The following UPF3A variants were observed in gnomAD, a reference collection of about 807,000 sequenced individuals.
The protein encoded by UPF3A is UPF3A regulator of nonsense mediated mRNA decay, also known as regulator of nonsense transcripts 3A.
In UPF3A, 42 loss-of-function variants were observed where a neutral mutation model predicts 53.5. The observed-to-expected ratio is 0.78, with a 90% confidence interval of 0.61 to 1.01. The LOEUF (loss-of-function observed/expected upper bound fraction) is 1.01. Ranked by LOEUF, UPF3A falls within the 50% of genes least tolerant of loss-of-function variation. The pLI is 0.00. For missense variants in UPF3A, 575 were observed against 598.0 expected (o/e 0.96, Z 0.40); for synonymous variants, 237 against 225.3 (o/e 1.05, Z -0.47).
At chr13:114,294,273 T>TTG (rs1555372456) in intron 7 of UPF3A, among the ~76,000 whole-genome samples, 1 of 143,074 alleles carries the variant, frequency 7.0e-6, no homozygotes, top group East Asian at 2.2e-4. Context: ...TTGGTTTTGG[T>TTG]GGGGGGGGGG....
At chr13:114,295,438 G>GCTCCCCAGCTCGTCTCCAGCAGCTCTGGC (rs1566757543) in intron 7 of UPF3A, among the ~76,000 whole-genome samples, 1 of 152,112 alleles carries the variant, frequency 6.6e-6, no homozygotes. Context: ...GCTCTGGCCT[G>GCTCCCCAGCTCGTCTCCAGCAGCTCTGGC]CTGGTTTCTC....
intron 3 of UPF3A, chr13:114,285,825 T>C (rs2084629808): frequency 6.5e-6 from 1 of 154,472 alleles, no homozygotes; most frequent in African/African-American, 2.4e-5. Context: ...AATTGATAGT[T>C]GAATTAACCT....
chr13:114,289,075 G>A (rs531652906), intron 5 of UPF3A, among the ~76,000 whole-genome samples: 33 of 152,156 alleles, frequency 2.2e-4, no homozygotes, highest in African/African-American at 7.0e-4. Flanking sequence ...GCACCTCCCC[G>A]AGAGTCTGCT....
At position 114,282,130 on chromosome 13, in the gene UPF3A, G is replaced by A; in HGVS notation, c.314+3G>A. 6.4e-7 allele frequency: 1 copy of A among 1,551,374 alleles called. No homozygotes were observed. Among genetic ancestry groups the A allele is most frequent in the Non-Finnish European group, 8.7e-7 (1 of 1,148,414 alleles). On this transcript the variant is annotated splice_donor_region_variant and intron_variant, in intron 2 of 9. Coordinates refer to ENST00000375299, the MANE Select transcript of UPF3A (RefSeq NM_023011.4). Reference sequence around the variant, plus strand: ...GAGTTCTTCGCCGCCGACCTGAGGTGAGGCCCGCCCCGAGGGGAGGAAGAG... The same window carrying A: ...GAGTTCTTCGCCGCCGACCTGAGGTAAGGCCCGCCCCGAGGGGAGGAAGAG...
intron 8 of UPF3A, among the ~76,000 whole-genome samples, chr13:114,300,565 G>A (rs1214372870): frequency 6.7e-6 from 1 of 149,072 alleles, no homozygotes; most frequent in Admixed American, 6.7e-5. Context: ...TTTTTGAAAC[G>A]GAGTTTTCCT....
At chr13:114,284,728 C>G (rs941097666) in intron 3 of UPF3A, among the ~76,000 whole-genome samples, 1 of 151,968 alleles carries the variant, frequency 6.6e-6, no homozygotes, top group African/African-American at 2.4e-5. Flanking sequence ...AAATTTATAC[C>G]ATACTGTTTT....
At chr13:114,283,198 G>T (rs74116874) in intron 3 of UPF3A, 4,012 of 310,942 alleles carry the variant, frequency 0.013, 163 homozygotes, top group African/African-American at 0.084. Context: ...AAAAAAAATT[G>T]TGTAGAGACG....
chr13:114,282,000 A>G, intron 1 of UPF3A, 21 bp from the exon 2 acceptor site: 2 of 1,536,062 alleles, frequency 1.3e-6, no homozygotes, highest in Non-Finnish European at 1.8e-6. Context: ...CCCGGTGGGA[A>G]CGGCCGCGCG....
At chr13:114,293,235 T>C (rs2085495008) in intron 7 of UPF3A, among the ~76,000 whole-genome samples, 1 of 145,386 alleles carries the variant, frequency 6.9e-6, no homozygotes, top group Admixed American at 7.1e-5. Flanking sequence ...AACACAAAAA[T>C]GAGCCGGACG....
intron 5 of UPF3A, among the ~76,000 whole-genome samples, chr13:114,290,725 CT>C (rs1334014498): frequency 6.7e-6 from 1 of 148,748 alleles, no homozygotes; most frequent in Non-Finnish European, 1.5e-5. Context: ...TTTTTCTTTT[CT>C]TTTTTTTCTT....
intron 8 of UPF3A, among the ~76,000 whole-genome samples, chr13:114,300,893 T>C (rs1396035687): frequency 2.0e-5 from 3 of 151,670 alleles, no homozygotes; most frequent in Non-Finnish European, 4.4e-5. Flanking sequence ...CAGGCTGCTC[T>C]CAATCTCCTG....
intron 8 of UPF3A, among the ~76,000 whole-genome samples, chr13:114,300,826 G>A (rs9590515): frequency 0.26 from 38,740 of 150,930 alleles, 6,004 homozygotes; most frequent in African/African-American, 0.44. Flanking sequence ...GGTGTGAGCC[G>A]CTGTGCCTGG....
rs758199252 is a variant in UPF3A at position 114,281,799 on chromosome 13, G to A, written c.160G>A (p.Gly54Ser). The change falls in exon 1 of 10, where the codon GGC (glycine) becomes AGC (serine). Residue 54 changes from glycine to serine, a missense_variant. Physicochemically the swap from Gly to Ser is moderately conservative, Grantham distance 56. Around this residue, in one of 2 missense-constraint regions of UPF3A, gnomAD observed 252 missense variants for 182.7 expected, o/e 1.38. Transcript: ENST00000375299. ...TPPTSSSGCG[G>S]GAGKPREEKR... ...GCCAACTTCGTCCTCCGGTTGCGGGGGCGGTGCGGGCAAACCTCGCGAGGA... is the reference window on the plus strand; with the variant it reads ...GCCAACTTCGTCCTCCGGTTGCGGGAGCGGTGCGGGCAAACCTCGCGAGGA... 16 of 1,554,370 alleles carry A rather than the reference G, an allele frequency of 1.0e-5. No individual in the cohort carries two copies. The South Asian group carries it at 1.9e-4, about 18-fold the overall frequency.
At position 114,301,853 on chromosome 13, in the gene UPF3A, G is replaced by T; in HGVS notation, c.1130G>T (p.Arg377Leu). ...CACAGAGCTCACCACGAGCCTGAAC[G>T]GCTTTCCAGAAGGAGTGAGGATGAG... ...RRHRAHHEPE[R>L]LSRRSEDEQR... Residue 377 changes from arginine (R) to leucine (L), a missense_variant, in exon 9 of 10, where the codon CGG becomes CTG. By Grantham distance (102) the Arg-to-Leu change is moderately radical (BLOSUM62 -2). Around this residue, in one of 2 missense-constraint regions of UPF3A, gnomAD observed 323 missense variants for 415.2 expected, o/e 0.78. Transcript: ENST00000375299. 2 of 1,613,186 alleles carry T rather than the reference G, an allele frequency of 1.2e-6. No individual in the cohort carries two copies. Among genetic ancestry groups the T allele is most frequent in the Non-Finnish European group, 1.7e-6 (2 of 1,179,690 alleles).
At chr13:114,283,754 G>C in intron 3 of UPF3A, 1 of 985,484 alleles carries the variant, frequency 1.0e-6, no homozygotes, top group Non-Finnish European at 1.2e-6. Flanking sequence ...CTAGGGTTCT[G>C]CTTTCATCTT....
In UPF3A at chr13:114,305,365, A is replaced by G; in HGVS notation, c.*448A>G. On this transcript the variant is annotated 3_prime_UTR_variant, in exon 10 of 10. Coordinates refer to ENST00000375299, the MANE Select transcript of UPF3A (RefSeq NM_023011.4). ...TGAGCCATGGTGTCGAGTGAAGAGT[A>G]GTTCTTGTTTGTTACAACCTTTGTG... The G allele has an allele frequency of 4.0e-6, 1 of 248,006 alleles. No individual in the cohort carries two copies. Among genetic ancestry groups the G allele is most frequent in the Non-Finnish European group, 8.0e-6 (1 of 124,444 alleles). 15.4% of individuals were successfully genotyped at this position (248,006 alleles called of 1,614,324 possible). A position where few individuals can be genotyped will look rare whatever the true frequency, so the allele number is the denominator to read the frequency against.
chr13:114,281,993 G>A (rs182448212), intron 1 of UPF3A, 28 bp from the exon 2 acceptor site: 9 of 1,510,276 alleles, frequency 6.0e-6, no homozygotes, highest in South Asian at 1.2e-5. Context: ...GCTCCGCCCC[G>A]GTGGGAACGG....
intron 3 of UPF3A, 119 bp downstream of exon 3, chr13:114,283,062 G>A: frequency 1.2e-6 from 1 of 801,522 alleles, no homozygotes; most frequent in Non-Finnish European, 1.9e-6. Flanking sequence ...TTGCTCTGTT[G>A]CCCAGGCTGG....
Position 114,302,022 on chromosome 13 carries a change from C to G in UPF3A, c.1299C>G (p.Asn433Lys), listed in dbSNP as rs912259623. 1 of 1,514,114 alleles carries G rather than the reference C, an allele frequency of 6.6e-7. No individual in the cohort carries two copies. Among genetic ancestry groups the G allele is most frequent in the African/African-American group, 1.4e-5 (1 of 71,400 alleles). 93.8% of individuals were successfully genotyped at this position (1,514,114 alleles called of 1,614,324 possible). A position where few individuals can be genotyped will look rare whatever the true frequency, so the allele number is the denominator to read the frequency against. ...SPAPRKERLA[N>K]KDRPALQLYD... ...CACCCAGAAAAGAGCGACTGGCAAA[C>G]AAGGTTTTTATTAAACCCAAAAAGA... The change falls in exon 9 of 10, where the codon AAC (asparagine) becomes AAG (lysine). Residue 433 changes from asparagine (N) to lysine (K), a missense_variant. This residue lies in a region of UPF3A where 323 missense variants were observed against 415.2 expected (regional missense o/e 0.78). Transcript: ENST00000375299.
Sources: gnomAD v4.1 joint callset for allele counts (sites outside exome capture counted in the v4.1 genomes callset) on GRCh38, gnomAD v4.1.1 for gene constraint, gnomAD v4.1.1 regional missense constraint, MANE v1.5 for transcripts, NCBI Gene and HGNC (gene_info 2026-07-23, HGNC 2026-07-21) for gene names.